ATP9B: variants seen among roughly 807,000 people sequenced by gnomAD.
ATP9B encodes probable phospholipid-transporting ATPase IIB.
Under a neutral mutation model 146.1 loss-of-function variants are expected in ATP9B, and 110 were observed. The ratio of observed to expected loss-of-function variants is 0.75; its 90% confidence interval spans 0.65 to 0.88. The LOEUF (loss-of-function observed/expected upper bound fraction) is 0.88. Ranked by LOEUF, ATP9B falls within the 40% of genes least tolerant of loss-of-function variation. The probability of loss-of-function intolerance (pLI) is 0.00; values close to 1 mark genes in which losing one functional copy is unlikely to be tolerated. For missense variants in ATP9B, 1,499 were observed against 1,496.4 expected (o/e 1.00, Z -0.03); for synonymous variants, 604 against 569.7 (o/e 1.06, Z -0.86).
rs555876355 is a variant in ATP9B, at chr18:79,216,639, C to T, written c.1107+2601C>T. Among the ~76,000 whole-genome samples, 6 of 152,328 alleles carry T rather than the reference C, an allele frequency of 3.9e-5. No homozygotes were observed. The East Asian group carries it at 5.8e-4, about 15-fold the overall frequency. On this transcript the variant is annotated intron_variant, in intron 11 of 29. Transcript: ENST00000426216. ...GGAGGTTCTGTACTGTCAGCTACCACGTGGCCTAGAAATTCTTCCAGTTTC... is the reference window on the plus strand; with the variant it reads ...GGAGGTTCTGTACTGTCAGCTACCATGTGGCCTAGAAATTCTTCCAGTTTC...
chr18:79,226,960 T>C (rs1041881751), intron 11 of ATP9B, among the ~76,000 whole-genome samples: 33 of 152,100 alleles, frequency 2.2e-4, no homozygotes, highest in African/African-American at 7.5e-4. Context: ...CACTGTGTGT[T>C]GGGCACCATA....
chr18:79,178,625 A>G (rs945445858), intron 8 of ATP9B, among the ~76,000 whole-genome samples: 12 of 152,158 alleles, frequency 7.9e-5, no homozygotes, highest in Admixed American at 3.3e-4. Context: ...AGGGATGATC[A>G]TATGGATTTT....
At chr18:79,336,804 G>A (rs551855087) in intron 18 of ATP9B, 93 bp downstream of exon 18, 13 of 1,334,284 alleles carry the variant, frequency 9.7e-6, no homozygotes, top group Non-Finnish European at 1.4e-5. Flanking sequence ...ATTAGAGCTG[G>A]GATCGCTATA....
chr18:79,230,411 G>C (rs4449018), intron 11 of ATP9B, among the ~76,000 whole-genome samples: 1 of 151,888 alleles, frequency 6.6e-6, no homozygotes. Context: ...TAGCCCTGCT[G>C]TATACCAAAC....
chr18:79,358,829 C>T (rs2096969098), intron 25 of ATP9B, among the ~76,000 whole-genome samples: 1 of 133,344 alleles, frequency 7.5e-6, no homozygotes, highest in Admixed American at 7.4e-5. Context: ...GTGAGGGGTG[C>T]TCTGGGTCTG....
Position 79,287,165 on chromosome 18 carries a change from A to G in ATP9B, c.1411+9969A>G, listed in dbSNP as rs151014160. Among the ~76,000 whole-genome samples, 994 of 152,246 alleles carry G rather than the reference A, an allele frequency of 6.5e-3. 9 individuals carry two copies. The highest frequency in any genetic ancestry group is 0.022 in the African/African-American group (910 of 41,538). On this transcript the variant is annotated intron_variant, in intron 13 of 29. Coordinates refer to ENST00000426216, the MANE Select transcript of ATP9B (RefSeq NM_198531.5). The stretch of plus-strand genomic sequence containing the variant: ...GTTAGGGAGGATTCCCTCATTTTCT[A>G]TTGATTGGAATAGTTTCAGAAGGAA...
chr18:79,206,402 G>T (rs2095534045), intron 9 of ATP9B, among the ~76,000 whole-genome samples: 1 of 152,110 alleles, frequency 6.6e-6, no homozygotes, highest in Non-Finnish European at 1.5e-5. Flanking sequence ...AGGAAATTAT[G>T]CTATGCACGC....
intron 11 of ATP9B, among the ~76,000 whole-genome samples, chr18:79,226,042 T>C (rs938175620): frequency 3.3e-5 from 5 of 152,236 alleles, no homozygotes; most frequent in African/African-American, 9.6e-5. Flanking sequence ...GCCCTTCAGC[T>C]TCCCTCCTTT....
At chr18:79,108,252 G>A (rs183244030) in intron 2 of ATP9B, among the ~76,000 whole-genome samples, 2 of 152,214 alleles carry the variant, frequency 1.3e-5, no homozygotes, top group African/African-American at 4.8e-5. Flanking sequence ...CAAGAGGTAA[G>A]GTGAGAGAAA....
At chr18:79,072,681 G>A (rs2072011892) in intron 1 of ATP9B, among the ~76,000 whole-genome samples, 1 of 149,798 alleles carries the variant, frequency 6.7e-6, no homozygotes, top group South Asian at 2.1e-4. Context: ...TCTGAGACAA[G>A]GCGGCTGCCG....
At chr18:79,170,578 CTTTG>C (rs1465601995) in intron 7 of ATP9B, among the ~76,000 whole-genome samples, 9 of 152,196 alleles carry the variant, frequency 5.9e-5, no homozygotes, top group East Asian at 3.9e-4. Context: ...ATTCTGTAGA[CTTTG>C]TTTGGGAAAG....
intron 7 of ATP9B, among the ~76,000 whole-genome samples, chr18:79,163,890 A>ACACC (rs1568309625): frequency 6.6e-6 from 1 of 151,608 alleles, no homozygotes; most frequent in African/African-American, 2.4e-5. Context: ...ACACACACAC[A>ACACC]CACACACACA....
chr18:79,145,370 G>C (rs1359081479), intron 6 of ATP9B: 14 of 119,338 alleles, frequency 1.2e-4, no homozygotes, highest in South Asian at 3.5e-4. Context: ...GGGGGAGCTG[G>C]CGGTGTGCAG....
chr18:79,377,532 T>G lies in ATP9B; in HGVS notation c.*149T>G, dbSNP rs2148073487. The G allele has an allele frequency of 9.7e-7, 1 of 1,032,360 alleles. No individual in the cohort carries two copies. The highest frequency in any genetic ancestry group is 1.4e-6 in the Non-Finnish European group (1 of 720,828). The allele number at this position is 1,032,360 out of a possible 1,614,324, so 63.9% of individuals were successfully genotyped here. ...ACGCCAGGCGAGCCCAGGGCACAGA[T>G]GCTGAGACAGCCTCTCCTTCTCAGT... On this transcript the variant is annotated 3_prime_UTR_variant, in exon 30 of 30. Transcript: ENST00000426216.
At chr18:79,365,916 T>C (rs1249112730) in intron 26 of ATP9B, among the ~76,000 whole-genome samples, 8 of 151,376 alleles carry the variant, frequency 5.3e-5, no homozygotes, top group Admixed American at 5.2e-4. Flanking sequence ...GAAGGACATC[T>C]CCGTGGACAG....
chr18:79,184,105 A>G (rs1370258798), intron 8 of ATP9B, among the ~76,000 whole-genome samples: 1 of 152,174 alleles, frequency 6.6e-6, no homozygotes, highest in Non-Finnish European at 1.5e-5. Context: ...ATGCATTTAT[A>G]GGCTTTGTCT....
chr18:79,118,562 T>TG (rs1599685606), intron 4 of ATP9B, among the ~76,000 whole-genome samples: 1 of 151,456 alleles, frequency 6.6e-6, no homozygotes, highest in African/African-American at 2.4e-5. Flanking sequence ...CACCATGCCC[T>TG]GCTAATTTTT....
intron 12 of ATP9B, among the ~76,000 whole-genome samples, chr18:79,274,449 T>C (rs1354455880): frequency 1.3e-5 from 2 of 152,212 alleles, no homozygotes; most frequent in African/African-American, 4.8e-5. Context: ...TGTTATATAC[T>C]CCTTATGTGG....
chr18:79,361,833 G>T (rs1375127642), intron 26 of ATP9B: 2 of 984,530 alleles, frequency 2.0e-6, no homozygotes, highest in Non-Finnish European at 2.4e-6. Flanking sequence ...TATCCACACC[G>T]GTCAGTGTCA....
Sources: allele counts gnomAD v4.1 joint callset (sites outside exome capture counted in the v4.1 genomes callset), GRCh38; gene constraint gnomAD v4.1.1; transcripts MANE v1.5; gene names NCBI Gene and HGNC (gene_info 2026-07-23, HGNC 2026-07-21).